PRELID2: variants seen among roughly 807,000 people sequenced by gnomAD.
PRELID2 encodes the protein PRELI domain containing 2, also known as PRELI domain-containing protein 2.
PRELID2 carries 25 observed loss-of-function variants against 28.4 expected under a neutral mutation model. That is an observed-to-expected ratio of 0.88 (90% confidence interval 0.64 to 1.23). The LOEUF (loss-of-function observed/expected upper bound fraction) is 1.23, where lower values mean the gene tolerates loss of function less well. PRELID2 is among the 50% of genes most tolerant of loss of function. The pLI is 0.00. For missense variants in PRELID2, 201 were observed against 214.4 expected, an observed-to-expected ratio of 0.94 and a Z score of 0.39; for synonymous variants, 76 against 71.6, an observed-to-expected ratio of 1.06 and a Z score of -0.31.
At chr5:145,405,320 A>T in the PRELID2 span, among the ~76,000 whole-genome samples, 2 of 152,144 alleles carry the variant, frequency 1.3e-5, no homozygotes, top group African/African-American at 4.8e-5. Context: ...CTCACCTGGT[A>T]ATCTGGGTCC....
intron 1 of PRELID2, chr5:145,728,520 G>C (rs1756242101): frequency 1.4e-6 from 1 of 728,128 alleles, no homozygotes; most frequent in Admixed American, 1.9e-5. Context: ...TTTGGTCCTT[G>C]CAAATTTCTA....
chr5:145,806,814 A>ATC (rs2149836451), intron 4 of PRELID2, among the ~76,000 whole-genome samples: 1 of 152,096 alleles, frequency 6.6e-6, no homozygotes, highest in East Asian at 1.9e-4. Context: ...CCTGCACTCT[A>ATC]TCTCTCTCCC....
intron 1 of PRELID2, among the ~76,000 whole-genome samples, chr5:145,491,699 A>G (rs910278737): frequency 6.6e-6 from 1 of 151,974 alleles, no homozygotes; most frequent in Admixed American, 6.6e-5. Context: ...ATATCTCTGT[A>G]ACCCCCCCAG....
At chr5:145,450,361 A>T in the PRELID2 span, among the ~76,000 whole-genome samples, 1 of 152,186 alleles carries the variant, frequency 6.6e-6, no homozygotes, top group Admixed American at 6.6e-5. Context: ...TTTTGATAAC[A>T]TCTTGGCAAT....
At position 145,686,199 on chromosome 5, in the gene PRELID2, T is replaced by C. The variant is rs1755035535; in HGVS notation, n.70+78732A>G. On this transcript the variant is annotated intron_variant and non_coding_transcript_variant, in intron 1 of 2. Transcript: ENST00000510259. ...AGCATCCTGTGCTCAGCCAATAGAA[T>C]TGCCTCACCCAAACCCTACATACAC... 2.6e-5 allele frequency among the ~76,000 whole-genome samples: 4 copies of C among 152,082 alleles called. 1 individual carries two copies. In the South Asian group the frequency reaches 8.3e-4, roughly 32 times the overall value.
chr5:145,732,190 A>G (rs1270102671), intron 1 of PRELID2, among the ~76,000 whole-genome samples: 1 of 152,188 alleles, frequency 6.6e-6, no homozygotes, highest in Non-Finnish European at 1.5e-5. Flanking sequence ...TTAGGAACAC[A>G]TTTTGCAGTC....
At chr5:145,772,713 A>G (rs993966808) in intron 5 of PRELID2, among the ~76,000 whole-genome samples, 1 of 152,232 alleles carries the variant, frequency 6.6e-6, no homozygotes, top group African/African-American at 2.4e-5. Flanking sequence ...AGTTTCCAAC[A>G]TGTGCCTTGG....
At chr5:145,502,845 T>TG (rs994598600) in intron 1 of PRELID2, among the ~76,000 whole-genome samples, 3 of 63,360 alleles carry the variant, frequency 4.7e-5, no homozygotes, top group African/African-American at 2.0e-4. Flanking sequence ...CCCCAGAAGT[T>TG]TTTTTTTTTT....
chr5:145,233,638 C>T, the PRELID2 span, among the ~76,000 whole-genome samples: 1 of 152,118 alleles, frequency 6.6e-6, no homozygotes, highest in Non-Finnish European at 1.5e-5. Context: ...AATGCTGACC[C>T]AGCATCTCTC....
At chr5:145,468,281 A>G (rs57175344), downstream of PRELID2, among the ~76,000 whole-genome samples, 62,253 of 151,974 alleles carry the variant, frequency 0.41, 12,978 homozygotes, top group Non-Finnish European at 0.43. Context: ...ATTCCATGGT[A>G]TATATGTGCC....
chr5:145,575,267 T>G (rs1274549505), intron 1 of PRELID2, among the ~76,000 whole-genome samples: 1 of 152,170 alleles, frequency 6.6e-6, no homozygotes, highest in Non-Finnish European at 1.5e-5. Flanking sequence ...AGTCAAATGA[T>G]ACAAATCTTT....
At chr5:145,404,938 G>A in the PRELID2 span, among the ~76,000 whole-genome samples, 2 of 152,140 alleles carry the variant, frequency 1.3e-5, no homozygotes, top group Admixed American at 1.3e-4. Flanking sequence ...AAGGCAGGAT[G>A]TGGGCAGGTA....
At chr5:145,439,358 A>G in the PRELID2 span, among the ~76,000 whole-genome samples, 3 of 152,026 alleles carry the variant, frequency 2.0e-5, no homozygotes, top group South Asian at 4.1e-4. Flanking sequence ...TGGCCTTCAC[A>G]TGGGTCATGT....
the PRELID2 span, among the ~76,000 whole-genome samples, chr5:145,457,448 T>C: frequency 3.7e-4 from 57 of 152,334 alleles, no homozygotes; most frequent in African/African-American, 1.3e-3. Flanking sequence ...CATTGCATTA[T>C]AATTCATTCC....
chr5:145,603,402 T>C (rs1753427530), intron 1 of PRELID2, among the ~76,000 whole-genome samples: 1 of 152,206 alleles, frequency 6.6e-6, no homozygotes, highest in African/African-American at 2.4e-5. Flanking sequence ...AGCACACTGC[T>C]TGAATGATTT....
intron 1 of PRELID2, among the ~76,000 whole-genome samples, chr5:145,604,566 G>A (rs993745885): frequency 6.6e-6 from 1 of 151,840 alleles, no homozygotes; most frequent in African/African-American, 2.4e-5. Context: ...CTTTATGGTA[G>A]AATAATTTAT....
At chr5:145,678,427 A>C (rs1754864812) in intron 1 of PRELID2, among the ~76,000 whole-genome samples, 1 of 152,112 alleles carries the variant, frequency 6.6e-6, no homozygotes, top group East Asian at 1.9e-4. Context: ...GCTTTTATCT[A>C]CCGGTAGATT....
rs548308742 is a variant in PRELID2, at chr5:145,831,719, T to G, written c.75+3458A>C. The stretch of plus-strand genomic sequence containing the variant: ...CATCACTAGACCTTTAGTCTCCAAA[T>G]GTTTGTCTCTCATTTCCCCAGTTCT... On this transcript the variant is annotated intron_variant, in intron 1 of 6. Transcript: ENST00000683046. 1.3e-4 allele frequency among the ~76,000 whole-genome samples: 20 copies of G among 152,334 alleles called. No homozygotes were observed. The South Asian group carries it at 3.9e-3, about 30-fold the overall frequency.
At chr5:145,708,885 G>T (rs528187897) in intron 1 of PRELID2, among the ~76,000 whole-genome samples, 1 of 152,176 alleles carries the variant, frequency 6.6e-6, no homozygotes, top group Non-Finnish European at 1.5e-5. Context: ...ACAAATCCTC[G>T]TGTGCTTTTG....
Sources: allele counts gnomAD v4.1 joint callset (sites outside exome capture counted in the v4.1 genomes callset), GRCh38; gene constraint gnomAD v4.1.1; transcripts MANE v1.5; gene names NCBI Gene and HGNC (gene_info 2026-07-23, HGNC 2026-07-21).